Variants in NPSR1 observed in about 807,000 individuals in gnomAD.
NPSR1 encodes neuropeptide S receptor.
Under a neutral mutation model 46.9 loss-of-function variants are expected in NPSR1, and 48 were observed. The observed-to-expected ratio is 1.02, with a 90% CI of 0.81 to 1.30. The LOEUF (loss-of-function observed/expected upper bound fraction) is 1.30. Among genes scored for constraint, NPSR1 ranks in the 50% most tolerant of loss-of-function variants. The pLI, the probability that NPSR1 is intolerant of heterozygous loss-of-function variation, is 0.00. For synonymous variants in NPSR1, 176 were observed against 168.1 expected (o/e 1.05, Z -0.36); for missense variants, 450 against 449.5 (o/e 1.00, Z -0.01).
At chr7:34,661,247 A>C (rs1791437084) in intron 1 of NPSR1, among the ~76,000 whole-genome samples, 1 of 152,106 alleles carries the variant, frequency 6.6e-6, no homozygotes, top group African/African-American at 2.4e-5. Context: ...CCCTTTCTGC[A>C]AGCATGTTCA....
At chr7:34,776,296 G>C (rs780915881) in intron 2 of NPSR1, among the ~76,000 whole-genome samples, 1 of 152,078 alleles carries the variant, frequency 6.6e-6, no homozygotes, top group Non-Finnish European at 1.5e-5. Flanking sequence ...TGAAATTGTG[G>C]TGTTGAAGTC....
chr7:34,713,287 T>C (rs1173508660), intron 2 of NPSR1, among the ~76,000 whole-genome samples: 3 of 152,186 alleles, frequency 2.0e-5, no homozygotes, highest in African/African-American at 7.2e-5. Context: ...TTGCCTCTTT[T>C]AGGAGTCAGT....
chr7:34,717,978 T>C (rs1348908188), intron 2 of NPSR1, among the ~76,000 whole-genome samples: 1 of 152,138 alleles, frequency 6.6e-6, no homozygotes, highest in Non-Finnish European at 1.5e-5. Flanking sequence ...ATAAACACAA[T>C]AGATGGGCAA....
chr7:34,787,235 C>A (rs894463921), intron 3 of NPSR1, among the ~76,000 whole-genome samples: 1 of 152,082 alleles, frequency 6.6e-6, no homozygotes, highest in African/African-American at 2.4e-5. Context: ...GTTTATATTA[C>A]AGAGACAACT....
chr7:34,719,694 C>T (rs1447893285), intron 2 of NPSR1: 2 of 152,152 alleles, frequency 1.3e-5, no homozygotes, highest in Non-Finnish European at 2.9e-5. Flanking sequence ...GAGTATGTCC[C>T]TAAATCACAG....
chr7:34,841,104 C>T (rs1790547826), intron 6 of NPSR1, among the ~76,000 whole-genome samples: 1 of 152,180 alleles, frequency 6.6e-6, no homozygotes, highest in Non-Finnish European at 1.5e-5. Context: ...ATCAACCTAA[C>T]ATACACAAAG....
intron 3 of NPSR1, among the ~76,000 whole-genome samples, chr7:34,807,848 A>G (rs1424022596): frequency 6.6e-6 from 1 of 151,314 alleles, no homozygotes; most frequent in Non-Finnish European, 1.5e-5. Flanking sequence ...TTTTTATTTG[A>G]TTATCAATTG....
chr7:34,687,807 T>C (rs952633382), intron 2 of NPSR1, among the ~76,000 whole-genome samples: 1 of 152,206 alleles, frequency 6.6e-6, no homozygotes, highest in South Asian at 2.1e-4. Flanking sequence ...AATTTAAACA[T>C]TTGTTAGAAG....
intron 3 of NPSR1, among the ~76,000 whole-genome samples, chr7:34,787,357 G>A (rs964338334): frequency 2.6e-5 from 4 of 152,066 alleles, no homozygotes; most frequent in African/African-American, 9.7e-5. Context: ...AACTTGTTCT[G>A]GATTAGGCTT....
intron 2 of NPSR1, among the ~76,000 whole-genome samples, chr7:34,765,759 A>G (rs1786398209): frequency 6.6e-6 from 1 of 152,248 alleles, no homozygotes; most frequent in Admixed American, 6.5e-5. Context: ...AGCAACTTGG[A>G]TGCATCTGGA....
At chr7:34,675,233 G>A (rs1269674328) in intron 1 of NPSR1, among the ~76,000 whole-genome samples, 1 of 152,110 alleles carries the variant, frequency 6.6e-6, no homozygotes. Context: ...AATATTTATT[G>A]TGCACCTACT....
At chr7:34,774,349 T>C (rs976971279) in intron 2 of NPSR1, among the ~76,000 whole-genome samples, 1 of 152,226 alleles carries the variant, frequency 6.6e-6, no homozygotes, top group Admixed American at 6.5e-5. Context: ...TGGAGGCATC[T>C]GTGCTACTTG....
At chr7:34,704,950 T>A (rs1794024670) in intron 2 of NPSR1, among the ~76,000 whole-genome samples, 1 of 152,232 alleles carries the variant, frequency 6.6e-6, no homozygotes, top group South Asian at 2.1e-4. Context: ...AGGTTGTGGA[T>A]AAGAGTTCTA....
chr7:34,824,004 G>T (rs79164924), intron 4 of NPSR1, among the ~76,000 whole-genome samples: 6 of 152,194 alleles, frequency 3.9e-5, no homozygotes, highest in African/African-American at 1.4e-4. Context: ...GAAAAAAAAT[G>T]CCACTTGTAC....
intron 2 of NPSR1, among the ~76,000 whole-genome samples, chr7:34,728,530 G>T (rs574367237): frequency 6.6e-6 from 1 of 152,264 alleles, no homozygotes; most frequent in South Asian, 2.1e-4. Context: ...AAAAATAACT[G>T]GACTTTGATC....
At chr7:34,663,181 A>G (rs912223651) in intron 1 of NPSR1, among the ~76,000 whole-genome samples, 3 of 151,512 alleles carry the variant, frequency 2.0e-5, no homozygotes, top group African/African-American at 7.3e-5. Flanking sequence ...CTGAAACAAG[A>G]CCTGTCTGTC....
At chr7:34,836,254 A>C (rs1333762936) in intron 6 of NPSR1, among the ~76,000 whole-genome samples, 1 of 152,180 alleles carries the variant, frequency 6.6e-6, no homozygotes, top group African/African-American at 2.4e-5. Flanking sequence ...TTTGGTTAAA[A>C]GTTAGAATAT....
At chr7:34,751,666 G>A (rs1785537439) in intron 2 of NPSR1, 2 of 1,592,910 alleles carry the variant, frequency 1.3e-6, no homozygotes, top group South Asian at 2.2e-5. Context: ...CACATCCCCA[G>A]CCAGGGACAA....
chr7:34,854,345 T>C (rs1440580291), downstream of NPSR1, among the ~76,000 whole-genome samples: 1 of 152,152 alleles, frequency 6.6e-6, no homozygotes, highest in African/African-American at 2.4e-5. Context: ...AGAGATTAAA[T>C]GCCCCAGTTA....
Sources: gnomAD v4.1 joint callset for allele counts (sites outside exome capture counted in the v4.1 genomes callset) on GRCh38, gnomAD v4.1.1 for gene constraint, MANE v1.5 for transcripts, NCBI Gene and HGNC (gene_info 2026-07-23, HGNC 2026-07-21) for gene names.